The following PDCD11 variants were observed in gnomAD, a reference collection of about 807,000 sequenced individuals.
The protein encoded by PDCD11 is protein RRP5 homolog.
In PDCD11, 97 loss-of-function variants were observed where a neutral mutation model predicts 198.9. That is an observed-to-expected ratio of 0.49 (90% CI 0.41 to 0.58). PDCD11 has a LOEUF of 0.58. PDCD11 is among the 20% of genes least tolerant of loss of function. The pLI, the probability that PDCD11 is intolerant of heterozygous loss-of-function variation, is 0.00. For synonymous variants in PDCD11, 893 were observed against 918.0 expected, an observed-to-expected ratio of 0.97 and a Z score of 0.49; for missense variants, 2,102 against 2,312.7, an observed-to-expected ratio of 0.91 and a Z score of 1.87.
intron 7 of PDCD11, among the ~76,000 whole-genome samples, chr10:103,409,159 AT>A (rs942888016): frequency 3.3e-5 from 5 of 152,114 alleles, no homozygotes; most frequent in Admixed American, 3.3e-4. Flanking sequence ...TAGGTTTAGT[AT>A]TTTCCGGGAA....
intron 35 of PDCD11, 45 bp from the exon 36 acceptor site, chr10:103,445,333 G>T: frequency 1.2e-6 from 2 of 1,603,064 alleles, no homozygotes; most frequent in South Asian, 2.2e-5. Context: ...GGAAGCACGT[G>T]ACCTGGGACT....
intron 21 of PDCD11, among the ~76,000 whole-genome samples, chr10:103,431,519 G>C (rs1431722721): frequency 2.6e-5 from 4 of 151,994 alleles, no homozygotes; most frequent in Admixed American, 2.6e-4. Context: ...TTGAACCTGG[G>C]GGGTGGAAGT....
Position 103,442,240 on chromosome 10 carries a change from T to C in PDCD11, c.4735T>C (p.Leu1579=), listed in dbSNP as rs1326426782. The change falls in exon 32 of 36, where the codon TTG becomes CTG. Residue 1579 remains leucine (L), a synonymous_variant. Transcript: ENST00000369797. ...TIKKSKKERE[L]EKQKAEKELS... ...AAAGAAAAGCAAGAAAGAAAGGGAG[T>C]TGGAGAAGCAGAAGGCAGAGAAGGA... The C allele has an allele frequency of 1.2e-6, 2 of 1,613,760 alleles. No individual in the cohort carries two copies. The highest frequency in any genetic ancestry group is 1.7e-6 in the Non-Finnish European group (2 of 1,179,906).
chr10:103,402,516 G>C (rs574582556), intron 3 of PDCD11, among the ~76,000 whole-genome samples: 2 of 151,628 alleles, frequency 1.3e-5, no homozygotes, highest in Non-Finnish European at 2.9e-5. Context: ...TCAGTTCATT[G>C]CAACCTCCAC....
In PDCD11 at chr10:103,440,326, C is replaced by T. The variant is rs1019957007; in HGVS notation, c.4185C>T (p.Phe1395=). The T allele has an allele frequency of 2.5e-6, 4 of 1,614,086 alleles. No individual in the cohort carries two copies. The highest frequency in any genetic ancestry group is 3.4e-6 in the Non-Finnish European group (4 of 1,179,978). Residue 1395 remains phenylalanine (F), a synonymous_variant, in exon 29 of 36, where the codon TTC becomes TTT. Transcript: ENST00000369797. ...NHQKNLVELS[F]LPGDTGKPDV... The stretch of plus-strand genomic sequence containing the variant: ...AGAAGAACCTGGTAGAGCTGTCTTT[C>T]CTCCCCGGAGACACTGGGAAGCCAG...
Position 103,423,337 on chromosome 10 carries a change from T to A in PDCD11, c.2647+200T>A, listed in dbSNP as rs375417519. On this transcript the variant is annotated intron_variant, in intron 18 of 35. Transcript: ENST00000369797. ...ACAATTGGGTAAATCTAGATTTTTA[T>A]ATATTAGGTTACATAAATTAAGGCC... Among the ~76,000 whole-genome samples, 18 of 152,346 alleles carry A rather than the reference T, an allele frequency of 1.2e-4. No homozygotes were observed. The East Asian group carries it at 2.7e-3, about 23-fold the overall frequency.
Position 103,427,805 on chromosome 10 carries a change from C to T in PDCD11, c.3368+414C>T, listed in dbSNP as rs949063834. On this transcript the variant is annotated intron_variant, in intron 21 of 35. Transcript: ENST00000369797. ...ATTTCAGGTCATGGTGGGGTAGATT[C>T]TGAAGAGAAGGGTGTTCCATGAGAT... 5.3e-4 allele frequency among the ~76,000 whole-genome samples: 81 copies of T among 152,190 alleles called. 1 individual carries two copies. The highest frequency in any genetic ancestry group is 1.7e-3 in the African/African-American group (70 of 41,524).
In PDCD11 at chr10:103,444,451, G is replaced by A. The variant is rs543263131; in HGVS notation, c.5279-66G>A. ...GGAGTCAGGTGCACGCTGACCCTGC[G>A]GAACACTGTGTTGTGGTGAGGGGGC... On this transcript the variant is annotated intron_variant, in intron 34 of 35. Coordinates refer to ENST00000369797, the MANE Select transcript of PDCD11 (RefSeq NM_014976.2). The A allele has an allele frequency of 2.8e-5, 41 of 1,481,424 alleles. No homozygotes were observed. The Admixed American group carries it at 4.0e-4, about 15-fold the overall frequency. The allele number at this position is 1,481,424 out of a possible 1,614,324, so 91.8% of individuals were successfully genotyped here.
At chr10:103,402,078 C>A (rs76642777) in intron 3 of PDCD11, among the ~76,000 whole-genome samples, 114 of 152,322 alleles carry the variant, frequency 7.5e-4, no homozygotes, top group Non-Finnish European at 1.4e-3. Flanking sequence ...AATATGATTT[C>A]TGGCTTCTTG....
chr10:103,405,025 C>T lies in PDCD11; in HGVS notation c.406C>T (p.Leu136=), dbSNP rs753402750. 1.2e-6 allele frequency: 2 copies of T among 1,613,742 alleles called. No individual in the cohort carries two copies. Among genetic ancestry groups the T allele is most frequent in the South Asian group, 1.1e-5 (1 of 91,040 alleles). ...CTTTCTCATTTGTGTTATGCAGGACCTACTTCACTTGCCTGAACTTTTCTC... is the reference window on the plus strand; with the variant it reads ...CTTTCTCATTTGTGTTATGCAGGACTTACTTCACTTGCCTGAACTTTTCTC... ...QVTQEQPLKD[L]LHLPELFSPG... The change falls in exon 5 of 36, where the codon CTA becomes TTA. Residue 136 remains leucine (L), a synonymous_variant. Coordinates refer to ENST00000369797, the MANE Select transcript of PDCD11 (RefSeq NM_014976.2).
At position 103,413,278 on chromosome 10, in the gene PDCD11, G is replaced by T. The variant is rs760769152; in HGVS notation, c.1141G>T (p.Gly381Trp). 6.2e-7 allele frequency: 1 copy of T among 1,614,176 alleles called. No homozygotes were observed. Among genetic ancestry groups the T allele is most frequent in the Non-Finnish European group, 8.5e-7 (1 of 1,180,032 alleles). The change falls in exon 9 of 36, where the codon GGG becomes TGG. Residue 381 changes from glycine to tryptophan, a missense_variant. Physicochemically the swap from Gly to Trp is radical, Grantham distance 184. Coordinates refer to ENST00000369797, the MANE Select transcript of PDCD11 (RefSeq NM_014976.2). ...VPVQGFFKKA[G>W]ATFRLKDGVL... Reference sequence around the variant, plus strand: ...TGTCCAGGGTTTTTTCAAAAAGGCTGGGGCCACCTTTAGGCTGAAGGATGG... The same window carrying T: ...TGTCCAGGGTTTTTTCAAAAAGGCTTGGGCCACCTTTAGGCTGAAGGATGG...
chr10:103,428,045 C>G (rs762372285), intron 21 of PDCD11, among the ~76,000 whole-genome samples: 16 of 152,172 alleles, frequency 1.1e-4, no homozygotes, highest in Non-Finnish European at 1.6e-4. Context: ...GTGGCTCACG[C>G]CTGTAATCCC....
chr10:103,443,412 C>CCGA, intron 33 of PDCD11, 79 bp downstream of exon 33: 1 of 1,325,384 alleles, frequency 7.5e-7, no homozygotes, highest in African/African-American at 1.5e-5. Context: ...GGTGCTGGGT[C>CCGA]CAGTCCTGCT....
At chr10:103,426,379 T>TG (rs1244612982) in intron 20 of PDCD11, among the ~76,000 whole-genome samples, 3 of 152,238 alleles carry the variant, frequency 2.0e-5, no homozygotes, top group Admixed American at 2.0e-4. Context: ...TAGCTAACTG[T>TG]GGGGTCTTCA....
Position 103,411,094 on chromosome 10 carries a change from A to G in PDCD11, c.978+1288A>G, listed in dbSNP as rs76373929. Reference sequence around the variant, plus strand: ...TGTCTTTAAAAAAAAAAAAAAAAAAATTTTTACAGGCGAGGTCTCGCCATG... The same window carrying G: ...TGTCTTTAAAAAAAAAAAAAAAAAAGTTTTTACAGGCGAGGTCTCGCCATG... On this transcript the variant is annotated intron_variant, in intron 8 of 35. Coordinates refer to ENST00000369797, the MANE Select transcript of PDCD11 (RefSeq NM_014976.2). 2.6e-4 allele frequency among the ~76,000 whole-genome samples: 39 copies of G among 149,188 alleles called. 1 individual carries two copies. In the South Asian group the frequency reaches 7.3e-3, roughly 28 times the overall value.
In PDCD11 at chr10:103,419,617, G is replaced by A. The variant is rs1387448448; in HGVS notation, c.2186G>A (p.Gly729Glu). 2 of 1,614,106 alleles carry A rather than the reference G, an allele frequency of 1.2e-6. No individual in the cohort carries two copies. The highest frequency in any genetic ancestry group is 2.7e-5 in the African/African-American group (2 of 75,030). The change falls in exon 16 of 36, where the codon GGA becomes GAA. Residue 729 changes from glycine (G) to glutamate (E), a missense_variant. By Grantham distance (98) the Gly-to-Glu change is moderately conservative (BLOSUM62 -2). Coordinates refer to ENST00000369797, the MANE Select transcript of PDCD11 (RefSeq NM_014976.2). ...AAGAACTTCTCAGAAATCCATCCTGGAATGCTGCTCATTGGTTTTGTGAAG... is the reference window on the plus strand; with the variant it reads ...AAGAACTTCTCAGAAATCCATCCTGAAATGCTGCTCATTGGTTTTGTGAAG... ...DPKNFSEIHP[G>E]MLLIGFVKSI...
At chr10:103,444,179 T>C in intron 34 of PDCD11, 111 bp downstream of exon 34, 1 of 863,254 alleles carries the variant, frequency 1.2e-6, no homozygotes, top group Non-Finnish European at 1.8e-6. Flanking sequence ...AGGGCTTTCC[T>C]CTTGCTGCCT....
At chr10:103,426,621 C>T (rs1023710422) in intron 20 of PDCD11, among the ~76,000 whole-genome samples, 4 of 151,920 alleles carry the variant, frequency 2.6e-5, no homozygotes, top group Non-Finnish European at 2.9e-5. Context: ...ATGGTGAAAC[C>T]CCGTCTACTG....
At chr10:103,408,100 A>G (rs895839200) in intron 7 of PDCD11, among the ~76,000 whole-genome samples, 8 of 152,100 alleles carry the variant, frequency 5.3e-5, no homozygotes, top group African/African-American at 1.4e-4. Flanking sequence ...TCTTCCTATC[A>G]GTATTTTTTC....
Sources: gnomAD v4.1 joint callset for allele counts (sites outside exome capture counted in the v4.1 genomes callset) on GRCh38, gnomAD v4.1.1 for gene constraint, MANE v1.5 for transcripts, NCBI Gene and HGNC (gene_info 2026-07-23, HGNC 2026-07-21) for gene names.